LRBA: variants seen among roughly 807,000 people sequenced by gnomAD.
LRBA encodes the protein lipopolysaccharide-responsive and beige-like anchor protein.
In LRBA, 176 loss-of-function variants were observed where a neutral mutation model predicts 330.0. The observed-to-expected ratio is 0.53, with a 90% CI of 0.47 to 0.60. The LOEUF is 0.60. LRBA is among the 20% of genes least tolerant of loss of function. The pLI, the probability that LRBA is intolerant of heterozygous loss-of-function variation, is 0.00. For synonymous variants in LRBA, 1,230 were observed against 1,193.0 expected (o/e 1.03, Z -0.64); for missense variants, 3,259 against 3,444.8 (o/e 0.95, Z 1.35).
intron 37 of LRBA, among the ~76,000 whole-genome samples, chr4:150,672,342 T>C (rs1465075419): frequency 1.3e-5 from 2 of 151,684 alleles, no homozygotes; most frequent in Non-Finnish European, 2.9e-5. Flanking sequence ...TAATAAAGTT[T>C]CGATTTTTTC....
intron 22 of LRBA, among the ~76,000 whole-genome samples, chr4:150,867,236 C>T (rs934401637): frequency 6.6e-6 from 1 of 151,288 alleles, no homozygotes; most frequent in African/African-American, 2.4e-5. Flanking sequence ...GTTGCTAAAA[C>T]AACTGTTCAT....
At chr4:150,385,178 T>C (rs1049108694) in intron 47 of LRBA, among the ~76,000 whole-genome samples, 2 of 152,166 alleles carry the variant, frequency 1.3e-5, no homozygotes, top group Non-Finnish European at 2.9e-5. Context: ...CTTTTCCTTG[T>C]AAAACATTAG....
At chr4:150,474,119 T>G (rs1365984444) in intron 42 of LRBA, among the ~76,000 whole-genome samples, 1 of 152,160 alleles carries the variant, frequency 6.6e-6, no homozygotes. Context: ...TTCTCACATA[T>G]AGGCCTATAA....
At chr4:150,396,858 C>G (rs1259870054) in intron 47 of LRBA, among the ~76,000 whole-genome samples, 1 of 152,080 alleles carries the variant, frequency 6.6e-6, no homozygotes, top group South Asian at 2.1e-4. Flanking sequence ...AACACTCACA[C>G]ACATAAACAT....
At chr4:150,833,518 A>C (rs978354164) in intron 28 of LRBA, among the ~76,000 whole-genome samples, 15 of 152,286 alleles carry the variant, frequency 9.8e-5, no homozygotes, top group Non-Finnish European at 2.2e-4. Context: ...CAAATATTTT[A>C]GTTTCCGAGT....
chr4:150,445,737 T>C (rs1285032141), intron 44 of LRBA, among the ~76,000 whole-genome samples: 1 of 152,122 alleles, frequency 6.6e-6, no homozygotes, highest in Non-Finnish European at 1.5e-5. Flanking sequence ...CAGCCATAGC[T>C]CACTGCAGCC....
intron 31 of LRBA, among the ~76,000 whole-genome samples, chr4:150,811,565 T>G (rs1316709768): frequency 6.6e-6 from 1 of 152,138 alleles, no homozygotes; most frequent in Non-Finnish European, 1.5e-5. Context: ...TGTACTGGTG[T>G]GATCATAGCT....
At chr4:150,699,211 A>G (rs189411447) in intron 36 of LRBA, among the ~76,000 whole-genome samples, 6 of 151,684 alleles carry the variant, frequency 4.0e-5, no homozygotes, top group Admixed American at 3.3e-4. Flanking sequence ...TGGCTTCTGC[A>G]GCATGGCAAA....
intron 54 of LRBA, among the ~76,000 whole-genome samples, chr4:150,283,875 G>A (rs971172128): frequency 5.3e-5 from 8 of 152,266 alleles, no homozygotes; most frequent in Admixed American, 5.2e-4. Context: ...ATATGTCGAT[G>A]ACTGCTCACT....
chr4:150,698,731 A>C (rs1432205011), intron 36 of LRBA, among the ~76,000 whole-genome samples: 1 of 144,088 alleles, frequency 6.9e-6, no homozygotes, highest in Non-Finnish European at 1.5e-5. Context: ...CAGCTCAAAA[A>C]TTATTATTTC....
At position 150,700,560 on chromosome 4, in the gene LRBA, C is replaced by A. The variant is rs1056925227; in HGVS notation, c.5755-16843G>T. Among the ~76,000 whole-genome samples, 4 of 152,140 alleles carry A rather than the reference C, an allele frequency of 2.6e-5. No homozygotes were observed. The South Asian group carries it at 8.3e-4, about 32-fold the overall frequency. On this transcript the variant is annotated intron_variant, in intron 36 of 56. Transcript: ENST00000651943. ...ACTACTGTAGACTTTATAAACCCTG[C>A]ACAGTTAGGCTATGCTAAGTTAATT...
intron 36 of LRBA, among the ~76,000 whole-genome samples, chr4:150,721,877 A>G (rs760047742): frequency 3.9e-5 from 6 of 152,214 alleles, no homozygotes; most frequent in Non-Finnish European, 8.8e-5. Flanking sequence ...TTGGCCTCCC[A>G]AAGTGCTGGA....
intron 47 of LRBA, among the ~76,000 whole-genome samples, chr4:150,409,702 A>C (rs951435051): frequency 1.3e-5 from 2 of 152,172 alleles, no homozygotes; most frequent in Non-Finnish European, 2.9e-5. Context: ...ATATTTTTAC[A>C]TTGACTTTAT....
chr4:150,912,512 G>A (rs905680112), intron 9 of LRBA, among the ~76,000 whole-genome samples: 24 of 152,138 alleles, frequency 1.6e-4, no homozygotes, highest in African/African-American at 4.6e-4. Flanking sequence ...ATGGTGAGTC[G>A]TATAATTATT....
intron 53 of LRBA, among the ~76,000 whole-genome samples, 160 bp downstream of exon 53, chr4:150,302,465 A>G (rs1729795868): frequency 6.6e-6 from 1 of 152,210 alleles, no homozygotes; most frequent in South Asian, 2.1e-4. Context: ...ATGGTCACAA[A>G]ATTGATAATG....
intron 30 of LRBA, among the ~76,000 whole-genome samples, chr4:150,825,909 A>T (rs530958489): frequency 1.7e-4 from 26 of 152,324 alleles, no homozygotes; most frequent in African/African-American, 6.0e-4. Context: ...ATCCCGCATA[A>T]GAACTATTGT....
chr4:150,623,495 A>G (rs1266717706), intron 37 of LRBA, among the ~76,000 whole-genome samples: 2 of 152,160 alleles, frequency 1.3e-5, no homozygotes, highest in African/African-American at 2.4e-5. Context: ...AGCATTGAAT[A>G]TAAGAAAAAA....
intron 37 of LRBA, among the ~76,000 whole-genome samples, chr4:150,655,804 A>T (rs1330285988): frequency 6.6e-6 from 1 of 152,254 alleles, no homozygotes; most frequent in East Asian, 1.9e-4. Context: ...TTTTCATATG[A>T]TTTTAAAATA....
At chr4:150,830,757 CTTTTTTTTTTT>C (rs57178610) in intron 29 of LRBA, among the ~76,000 whole-genome samples, 3 of 81,976 alleles carry the variant, frequency 3.7e-5, no homozygotes, top group Non-Finnish European at 7.4e-5. Context: ...TACAGAGTTA[CTTTTTTTTTTT>C]TTTTTTTTTT....
Sources: allele counts gnomAD v4.1 joint callset (sites outside exome capture counted in the v4.1 genomes callset), GRCh38; gene constraint gnomAD v4.1.1; transcripts MANE v1.5; gene names NCBI Gene and HGNC (gene_info 2026-07-23, HGNC 2026-07-21).